TTC28: variants seen among roughly 807,000 people sequenced by gnomAD.
The protein encoded by TTC28 is tetratricopeptide repeat domain 28, also known as tetratricopeptide repeat protein 28.
A neutral mutation model predicts 198.0 loss-of-function variants in TTC28; 61 were observed. The ratio of observed to expected loss-of-function variants is 0.31; its 90% CI spans 0.25 to 0.38. The LOEUF is 0.38. TTC28 is among the 10% of genes least tolerant of loss of function. The pLI is 1.00. For synonymous variants in TTC28, 1,171 were observed against 1,297.8 expected, an observed-to-expected ratio of 0.90 and a Z score of 2.10; for missense variants, 2,678 against 3,164.0, an observed-to-expected ratio of 0.85 and a Z score of 3.69.
intron 2 of TTC28, among the ~76,000 whole-genome samples, chr22:28,470,784 A>G (rs1447669553): frequency 1.3e-5 from 2 of 152,234 alleles, no homozygotes; most frequent in Non-Finnish European, 2.9e-5. Flanking sequence ...GAAGGCAAAA[A>G]TCAGTAAGGC....
intron 2 of TTC28, among the ~76,000 whole-genome samples, chr22:28,604,306 T>C (rs1043623232): frequency 2.1e-5 from 3 of 142,152 alleles, no homozygotes; most frequent in African/African-American, 7.9e-5. Flanking sequence ...ATTATATATA[T>C]ATATATATAT....
intron 2 of TTC28, among the ~76,000 whole-genome samples, chr22:28,540,862 A>G (rs1030106953): frequency 4.7e-4 from 72 of 152,320 alleles, no homozygotes; most frequent in African/African-American, 1.6e-3. Flanking sequence ...AAAACTACAC[A>G]TAAGTCAATG....
At chr22:28,459,054 G>A (rs1014676812) in intron 2 of TTC28, among the ~76,000 whole-genome samples, 1 of 151,998 alleles carries the variant, frequency 6.6e-6, no homozygotes, top group East Asian at 1.9e-4. Flanking sequence ...TGTTGACAGA[G>A]GGGTAATGGT....
At chr22:28,381,221 C>T (rs955077881) in intron 2 of TTC28, among the ~76,000 whole-genome samples, 1 of 152,014 alleles carries the variant, frequency 6.6e-6, no homozygotes, top group South Asian at 2.1e-4. Flanking sequence ...GGTCTGCCCC[C>T]AGCTCTACTG....
At chr22:28,142,239 A>G (rs551628978) in intron 6 of TTC28, among the ~76,000 whole-genome samples, 1 of 152,338 alleles carries the variant, frequency 6.6e-6, no homozygotes, top group South Asian at 2.1e-4. Context: ...CAGATCATGT[A>G]TGTCTTTCAC....
chr22:28,590,570 T>C (rs545795057), intron 2 of TTC28, among the ~76,000 whole-genome samples: 3 of 152,042 alleles, frequency 2.0e-5, no homozygotes, highest in African/African-American at 7.2e-5. Flanking sequence ...CTGGGCAACA[T>C]AGCAAGACAC....
At chr22:28,406,005 T>G (rs2046992807) in intron 2 of TTC28, among the ~76,000 whole-genome samples, 1 of 152,264 alleles carries the variant, frequency 6.6e-6, no homozygotes. Context: ...CAATAAAAGT[T>G]GCTGTCTAAC....
chr22:28,142,474 T>C (rs1431998559), intron 6 of TTC28, among the ~76,000 whole-genome samples: 1 of 152,214 alleles, frequency 6.6e-6, no homozygotes, highest in Non-Finnish European at 1.5e-5. Flanking sequence ...GCTTGAGCAA[T>C]GTAGCAATCG....
At chr22:28,469,928 T>G in intron 2 of TTC28, among the ~76,000 whole-genome samples, 1 of 152,182 alleles carries the variant, frequency 6.6e-6, no homozygotes, top group African/African-American at 2.4e-5. Flanking sequence ...CTTGAACTCC[T>G]GAGCTCAAGT....
At chr22:28,209,098 C>G (rs370963961) in intron 5 of TTC28, among the ~76,000 whole-genome samples, 1 of 152,180 alleles carries the variant, frequency 6.6e-6, no homozygotes, top group Non-Finnish European at 1.5e-5. Flanking sequence ...CTCTATAGAT[C>G]ACCTACCACT....
At chr22:28,493,491 T>C (rs2048407648) in intron 2 of TTC28, among the ~76,000 whole-genome samples, 1 of 152,200 alleles carries the variant, frequency 6.6e-6, no homozygotes, top group Non-Finnish European at 1.5e-5. Flanking sequence ...AGGAATCACA[T>C]CACAAGTAAC....
chr22:28,249,648 T>C (rs1022285882), intron 5 of TTC28, among the ~76,000 whole-genome samples: 2 of 152,164 alleles, frequency 1.3e-5, no homozygotes, highest in African/African-American at 4.8e-5. Flanking sequence ...GGACCTGTAA[T>C]GCAACTGGGA....
At chr22:28,089,173 C>T (rs1019637679) in intron 12 of TTC28, among the ~76,000 whole-genome samples, 1 of 152,092 alleles carries the variant, frequency 6.6e-6, no homozygotes, top group Non-Finnish European at 1.5e-5. Flanking sequence ...AGTATATACC[C>T]AAAGGACTAT....
chr22:28,493,388 A>T (rs1204808798), intron 2 of TTC28, among the ~76,000 whole-genome samples: 2 of 152,156 alleles, frequency 1.3e-5, no homozygotes, highest in Admixed American at 6.5e-5. Flanking sequence ...AATTTTAAAA[A>T]TCACTGCTCC....
chr22:28,572,927 T>C (rs746124867), intron 2 of TTC28, among the ~76,000 whole-genome samples: 7 of 151,972 alleles, frequency 4.6e-5, no homozygotes, highest in African/African-American at 1.4e-4. Flanking sequence ...AGTGGGAGGA[T>C]TGCTTGAGGC....
intron 3 of TTC28, 107 bp downstream of exon 3, chr22:28,306,389 C>T: frequency 7.6e-7 from 1 of 1,308,144 alleles, no homozygotes; most frequent in Non-Finnish European, 1.0e-6. Context: ...CAAATCTTAG[C>T]AAATTTGATA....
chr22:28,438,148 A>G (rs2047552189), intron 2 of TTC28, among the ~76,000 whole-genome samples: 2 of 152,318 alleles, frequency 1.3e-5, no homozygotes, highest in South Asian at 4.1e-4. Context: ...CTGATGTTAT[A>G]CTATTAAATA....
At chr22:28,579,445 G>A (rs192606341) in intron 2 of TTC28, among the ~76,000 whole-genome samples, 28 of 147,586 alleles carry the variant, frequency 1.9e-4, no homozygotes, top group African/African-American at 5.4e-4. Flanking sequence ...GTATATATAC[G>A]TATAACTATA....
At chr22:28,047,493 T>C (rs1939913395) in intron 12 of TTC28, among the ~76,000 whole-genome samples, 1 of 152,130 alleles carries the variant, frequency 6.6e-6, no homozygotes, top group Non-Finnish European at 1.5e-5. Flanking sequence ...AGTGGAGGAC[T>C]AGAAAGGCAC....
Sources: gnomAD v4.1 joint callset for allele counts (sites outside exome capture counted in the v4.1 genomes callset) on GRCh38, gnomAD v4.1.1 for gene constraint, MANE v1.5 for transcripts, NCBI Gene and HGNC (gene_info 2026-07-23, HGNC 2026-07-21) for gene names.